Variants in PTPRR observed in about 807,000 individuals in gnomAD.
The protein encoded by PTPRR is receptor-type tyrosine-protein phosphatase R.
Under a neutral mutation model 77.2 loss-of-function variants are expected in PTPRR, and 38 were observed. The ratio of observed to expected loss-of-function variants is 0.49; its 90% confidence interval spans 0.38 to 0.65. The LOEUF (loss-of-function observed/expected upper bound fraction) is 0.65, where lower values mean the gene tolerates loss of function less well. Ranked by LOEUF, PTPRR falls within the 30% of genes least tolerant of loss-of-function variation. PTPRR has a pLI of 0.00. For synonymous variants in PTPRR, 299 were observed against 283.1 expected, an observed-to-expected ratio of 1.06 and a Z score of -0.57; for missense variants, 744 against 799.2, an observed-to-expected ratio of 0.93 and a Z score of 0.83.
intron 2 of PTPRR, among the ~76,000 whole-genome samples, chr12:70,812,283 C>T (rs1891822208): frequency 6.6e-6 from 1 of 152,170 alleles, no homozygotes; most frequent in Non-Finnish European, 1.5e-5. Context: ...AGAAGCACCT[C>T]AGTAATGCAT....
At chr12:70,811,455 A>G (rs1358314777) in intron 2 of PTPRR, among the ~76,000 whole-genome samples, 3 of 152,192 alleles carry the variant, frequency 2.0e-5, no homozygotes, top group African/African-American at 7.2e-5. Context: ...AACTGCCTGC[A>G]AAAGGTTCAA....
At chr12:70,789,905 A>T (rs1248751470) in intron 2 of PTPRR, among the ~76,000 whole-genome samples, 2 of 152,178 alleles carry the variant, frequency 1.3e-5, no homozygotes, top group Non-Finnish European at 2.9e-5. Flanking sequence ...TCTTAAGAAA[A>T]TGATCTCAAC....
intron 2 of PTPRR, among the ~76,000 whole-genome samples, chr12:70,870,412 G>C: frequency 6.6e-6 from 1 of 152,100 alleles, no homozygotes; most frequent in East Asian, 1.9e-4. Context: ...GGAAGAAATT[G>C]ATTTGTTATT....
intron 2 of PTPRR, among the ~76,000 whole-genome samples, chr12:70,855,568 T>A (rs1438777779): frequency 6.6e-6 from 1 of 152,060 alleles, no homozygotes; most frequent in African/African-American, 2.4e-5. Flanking sequence ...CAGCCAGAAG[T>A]CCTAAATTCC....
At chr12:70,657,871 T>G (rs536296504) in intron 12 of PTPRR, among the ~76,000 whole-genome samples, 1 of 152,174 alleles carries the variant, frequency 6.6e-6, no homozygotes, top group Non-Finnish European at 1.5e-5. Flanking sequence ...TAGACTGTAA[T>G]CACGTTTTCA....
intron 2 of PTPRR, among the ~76,000 whole-genome samples, chr12:70,867,721 A>G (rs1433644844): frequency 6.6e-6 from 1 of 152,212 alleles, no homozygotes; most frequent in Admixed American, 6.5e-5. Context: ...AAGAGCCCAC[A>G]TCACCAAGTC....
At chr12:70,665,423 T>G (rs1886954588) in intron 10 of PTPRR, among the ~76,000 whole-genome samples, 1 of 122,454 alleles carries the variant, frequency 8.2e-6, no homozygotes, top group African/African-American at 3.2e-5. Flanking sequence ...ATTCTATCAC[T>G]CAGGTTGGAG....
In PTPRR at chr12:70,648,917, A is replaced by T. The variant is rs1886295885; in HGVS notation, c.1880+7787T>A. On this transcript the variant is annotated intron_variant, in intron 13 of 13. Coordinates refer to ENST00000283228, the MANE Select transcript of PTPRR (RefSeq NM_002849.4). ...CTTATTTTAGTTCAAAATATGCTCA[A>T]AAGTATTAGTAAAAGGAGAATCACA... Among the ~76,000 whole-genome samples the T allele has an allele frequency of 1.3e-5, 2 of 152,194 alleles. 1 individual carries two copies. Among genetic ancestry groups the T allele is most frequent in the South Asian group, 4.1e-4 (2 of 4,828 alleles).
At chr12:70,764,980 T>C (rs181446254) in intron 2 of PTPRR, among the ~76,000 whole-genome samples, 98 of 152,330 alleles carry the variant, frequency 6.4e-4, no homozygotes, top group African/African-American at 2.3e-3. Flanking sequence ...GAACATTGCA[T>C]GTGAAATTTT....
chr12:70,854,445 A>G (rs959807388), intron 2 of PTPRR, among the ~76,000 whole-genome samples: 3 of 152,262 alleles, frequency 2.0e-5, no homozygotes, highest in Admixed American at 1.3e-4. Context: ...CAGTAGGCAC[A>G]TCTTCATAAG....
At chr12:70,850,945 T>C (rs556084154) in intron 2 of PTPRR, among the ~76,000 whole-genome samples, 7 of 152,280 alleles carry the variant, frequency 4.6e-5, no homozygotes, top group Middle Eastern at 6.8e-3. Context: ...TGTTTTTTTT[T>C]CCTCATTCTC....
intron 6 of PTPRR, among the ~76,000 whole-genome samples, chr12:70,734,319 C>T (rs971472549): frequency 1.3e-5 from 2 of 152,174 alleles, no homozygotes; most frequent in Admixed American, 6.5e-5. Context: ...AATTGTACCA[C>T]GACCACCTCT....
intron 2 of PTPRR, among the ~76,000 whole-genome samples, chr12:70,864,013 G>A (rs141620058): frequency 6.6e-6 from 1 of 152,250 alleles, no homozygotes; most frequent in African/African-American, 2.4e-5. Context: ...CTGAGATAAG[G>A]CAGAAGAGGA....
intron 10 of PTPRR, chr12:70,672,184 A>G: frequency 6.5e-7 from 1 of 1,549,588 alleles, no homozygotes; most frequent in Non-Finnish European, 8.8e-7. Context: ...CCCAGTTGCC[A>G]GTCCTACCAT....
intron 2 of PTPRR, among the ~76,000 whole-genome samples, chr12:70,858,568 C>T (rs1025016058): frequency 1.4e-5 from 2 of 146,862 alleles, no homozygotes; most frequent in African/African-American, 2.7e-5. Flanking sequence ...AGTTTGGGCA[C>T]TTTATCCTCT....
At chr12:70,813,381 C>T (rs565138743) in intron 2 of PTPRR, among the ~76,000 whole-genome samples, 5 of 150,138 alleles carry the variant, frequency 3.3e-5, no homozygotes, top group Non-Finnish European at 7.4e-5. Context: ...TGCATCTCAA[C>T]GTGGATATTT....
chr12:70,821,393 T>A (rs1323003204), intron 2 of PTPRR, among the ~76,000 whole-genome samples: 1 of 149,584 alleles, frequency 6.7e-6, no homozygotes, highest in Admixed American at 6.7e-5. Context: ...CCCAGCTAAT[T>A]TTTTTGTATT....
In PTPRR at chr12:70,734,190, A is replaced by G. The variant is rs185321822; in HGVS notation, c.1007+11628T>C. Among the ~76,000 whole-genome samples, 387 of 121,512 alleles carry G rather than the reference A, an allele frequency of 3.2e-3. 2 individuals are homozygous for G. Among genetic ancestry groups the G allele is most frequent in the African/African-American group, 0.011 (363 of 32,742 alleles). 79.7% of individuals were successfully genotyped at this position (121,512 alleles called of 152,430 possible). Reference sequence around the variant, plus strand: ...CAACCTATACATCAAGATTTGGAACATGGTCCCCTAGCAAAAATAAAAAAA... The same window carrying G: ...CAACCTATACATCAAGATTTGGAACGTGGTCCCCTAGCAAAAATAAAAAAA... On this transcript the variant is annotated intron_variant, in intron 6 of 13. Transcript: ENST00000283228.
chr12:70,765,377 G>A (rs565009547), intron 2 of PTPRR, among the ~76,000 whole-genome samples: 30 of 152,318 alleles, frequency 2.0e-4, no homozygotes, highest in African/African-American at 6.5e-4. Flanking sequence ...CTGGCTTGGA[G>A]GGTCCTATGC....
Sources: gnomAD v4.1 joint callset for allele counts (sites outside exome capture counted in the v4.1 genomes callset) on GRCh38, gnomAD v4.1.1 for gene constraint, MANE v1.5 for transcripts, NCBI Gene and HGNC (gene_info 2026-07-23, HGNC 2026-07-21) for gene names.